ROBO1: variants seen among roughly 807,000 people sequenced by gnomAD.
ROBO1 encodes the protein roundabout homolog 1.
ROBO1 carries 149 observed loss-of-function variants against 195.9 expected under a neutral mutation model. That is an observed-to-expected ratio of 0.76 (90% CI 0.67 to 0.87). The LOEUF (loss-of-function observed/expected upper bound fraction) is 0.87, where lower values mean the gene tolerates loss of function less well. ROBO1 is among the 40% of genes least tolerant of loss of function. The probability of loss-of-function intolerance (pLI) is 0.00; values close to 1 mark genes in which losing one functional copy is unlikely to be tolerated. For synonymous variants in ROBO1, 816 were observed against 733.2 expected (o/e 1.11, Z -1.82); for missense variants, 1,933 against 2,068.3 (o/e 0.93, Z 1.27).
chr3:79,300,435 T>C (rs113396011), intron 2 of ROBO1, among the ~76,000 whole-genome samples: 39,484 of 152,210 alleles, frequency 0.26, 5,863 homozygotes, highest in African/African-American at 0.41. Context: ...GATTTCTCAC[T>C]GGGCGTTAGC....
At chr3:78,659,658 T>TCAA in intron 17 of ROBO1, 28 bp downstream of exon 17, 1 of 1,370,866 alleles carries the variant, frequency 7.3e-7, no homozygotes, top group Non-Finnish European at 9.5e-7. Flanking sequence ...CATCAGGACA[T>TCAA]TAATATATAT....
At chr3:78,802,297 C>T (rs1468188114) in intron 4 of ROBO1, among the ~76,000 whole-genome samples, 1 of 152,106 alleles carries the variant, frequency 6.6e-6, no homozygotes, top group Non-Finnish European at 1.5e-5. Flanking sequence ...CACAGTGATA[C>T]AACACATTGA....
At chr3:78,904,079 A>G (rs2037747981) in intron 4 of ROBO1, among the ~76,000 whole-genome samples, 1 of 152,002 alleles carries the variant, frequency 6.6e-6, no homozygotes, top group Non-Finnish European at 1.5e-5. Flanking sequence ...AGATATGAGT[A>G]TATTAGTTAG....
intron 1 of ROBO1, among the ~76,000 whole-genome samples, chr3:79,606,141 A>T (rs1041014844): frequency 6.8e-6 from 1 of 147,744 alleles, no homozygotes; most frequent in South Asian, 2.1e-4. Flanking sequence ...AAAATTACTC[A>T]TTTAATTTAC....
At chr3:79,647,380 G>A (rs1945850314) in intron 1 of ROBO1, among the ~76,000 whole-genome samples, 1 of 151,880 alleles carries the variant, frequency 6.6e-6, no homozygotes, top group Non-Finnish European at 1.5e-5. Flanking sequence ...CAAGAAATAA[G>A]GAAAATTTCT....
At chr3:79,532,760 T>G (rs961550625) in intron 2 of ROBO1, among the ~76,000 whole-genome samples, 3 of 152,110 alleles carry the variant, frequency 2.0e-5, no homozygotes, top group African/African-American at 7.2e-5. Flanking sequence ...GATTCAGAGA[T>G]AGAGCGAGGG....
At chr3:79,318,033 T>A (rs1253553904) in intron 2 of ROBO1, among the ~76,000 whole-genome samples, 1 of 152,160 alleles carries the variant, frequency 6.6e-6, no homozygotes, top group Non-Finnish European at 1.5e-5. Flanking sequence ...GGTCAGCAGG[T>A]TGCTGTAGAA....
intron 1 of ROBO1, among the ~76,000 whole-genome samples, chr3:79,708,590 T>C (rs889137807): frequency 3.3e-5 from 5 of 152,170 alleles, no homozygotes; most frequent in Admixed American, 2.6e-4. Flanking sequence ...TGGCAGGGGA[T>C]GACAGCTTCA....
intron 1 of ROBO1, among the ~76,000 whole-genome samples, chr3:79,727,975 G>A (rs1373539765): frequency 6.6e-6 from 1 of 151,938 alleles, no homozygotes; most frequent in African/African-American, 2.4e-5. Flanking sequence ...AAAATTCAGG[G>A]TCATTTCTAG....
At position 78,920,462 on chromosome 3, in the gene ROBO1, G is replaced by A. The variant is rs116214434; in HGVS notation, c.499+18139C>T. On this transcript the variant is annotated intron_variant, in intron 4 of 30. Transcript: ENST00000464233. ...TAGGATTACAGGCAGGTGCCACCACGCACGGCTAACTTTTTTTTATTTTTA... is the reference window on the plus strand; with the variant it reads ...TAGGATTACAGGCAGGTGCCACCACACACGGCTAACTTTTTTTTATTTTTA... Among the ~76,000 whole-genome samples the A allele has an allele frequency of 7.1e-3, 1,074 of 151,576 alleles. 14 individuals are homozygous for A. The highest frequency in any genetic ancestry group is 0.025 in the African/African-American group (1,024 of 41,320).
rs1165099320 is a variant in ROBO1, at chr3:78,646,200, T to C, written c.2840-10A>G. On this transcript the variant is annotated splice_polypyrimidine_tract_variant and intron_variant, in intron 20 of 30. Coordinates refer to ENST00000464233, the MANE Select transcript of ROBO1 (RefSeq NM_002941.4). The stretch of plus-strand genomic sequence containing the variant: ...CCTCTCTGGTAAGTTACTAGAATGT[T>C]ACGAAAAAAAAAAGGAACAATTAAT... 1.3e-6 allele frequency: 2 copies of C among 1,595,220 alleles called. No homozygotes were observed. The highest frequency in any genetic ancestry group is 1.7e-6 in the Non-Finnish European group (2 of 1,170,404).
intron 3 of ROBO1, among the ~76,000 whole-genome samples, chr3:79,011,895 T>C (rs1393962916): frequency 6.6e-6 from 1 of 152,048 alleles, no homozygotes; most frequent in Non-Finnish European, 1.5e-5. Flanking sequence ...TCTTTTACTT[T>C]CTATACAAAC....
intron 2 of ROBO1, among the ~76,000 whole-genome samples, chr3:79,204,476 C>T (rs548371154): frequency 6.6e-6 from 1 of 151,948 alleles, no homozygotes. Context: ...GGTCTCTAAC[C>T]CCTTGTTAGT....
intron 4 of ROBO1, among the ~76,000 whole-genome samples, chr3:78,748,426 CAAATAAAT>C (rs55873579): frequency 0.39 from 57,591 of 146,750 alleles, 12,815 homozygotes; most frequent in East Asian, 0.71. Flanking sequence ...GCCTCTGTCT[CAAATAAAT>C]AAATAAATAA....
chr3:79,399,347 GC>G (rs1377930144), intron 2 of ROBO1, among the ~76,000 whole-genome samples: 3 of 152,014 alleles, frequency 2.0e-5, no homozygotes, highest in Non-Finnish European at 2.9e-5. Flanking sequence ...GTGACCGGCT[GC>G]CCCCCGACCT....
intron 2 of ROBO1, among the ~76,000 whole-genome samples, chr3:79,182,570 T>TGTGCGC (rs779706587): frequency 1.3e-5 from 2 of 149,924 alleles, no homozygotes; most frequent in African/African-American, 5.0e-5. Flanking sequence ...TGTGTGTGTG[T>TGTGCGC]GCGTGCGTGC....
At chr3:79,602,810 T>C (rs1158657673) in intron 1 of ROBO1, among the ~76,000 whole-genome samples, 1 of 151,970 alleles carries the variant, frequency 6.6e-6, no homozygotes, top group African/African-American at 2.4e-5. Flanking sequence ...GAACTAAAAA[T>C]AGGTCTGTAG....
chr3:79,063,064 G>GT (rs1195289853), intron 3 of ROBO1, among the ~76,000 whole-genome samples: 4 of 151,918 alleles, frequency 2.6e-5, no homozygotes, highest in Non-Finnish European at 5.9e-5. Context: ...AAACATTTTA[G>GT]TCTTTGTGGA....
intron 2 of ROBO1, among the ~76,000 whole-genome samples, chr3:79,333,160 G>C (rs1424512484): frequency 2.0e-5 from 3 of 150,528 alleles, no homozygotes; most frequent in Non-Finnish European, 4.4e-5. Flanking sequence ...CCGAGACGGC[G>C]CCATTTACTG....
Sources: allele counts gnomAD v4.1 joint callset (sites outside exome capture counted in the v4.1 genomes callset), GRCh38; gene constraint gnomAD v4.1.1; transcripts MANE v1.5; gene names NCBI Gene and HGNC (gene_info 2026-07-23, HGNC 2026-07-21).